The following HEATR5B variants were observed in gnomAD, a reference collection of about 807,000 sequenced individuals.
HEATR5B encodes the protein HEAT repeat-containing protein 5B.
HEATR5B carries 156 observed loss-of-function variants against 224.1 expected under a neutral mutation model. That is an observed-to-expected ratio of 0.70 (90% confidence interval 0.61 to 0.80). The LOEUF is 0.80. Among genes scored for constraint, HEATR5B ranks in the 30% least tolerant of loss-of-function variants. The pLI, the probability that HEATR5B is intolerant of heterozygous loss-of-function variation, is 0.00. For synonymous variants in HEATR5B, 1,027 were observed against 893.0 expected, an observed-to-expected ratio of 1.15 and a Z score of -2.68; for missense variants, 2,323 against 2,535.5, an observed-to-expected ratio of 0.92 and a Z score of 1.80.
chr2:37,041,070 G>C (rs115150255), intron 19 of HEATR5B, 63 bp downstream of exon 19: 3 of 1,328,450 alleles, frequency 2.3e-6, no homozygotes, highest in Admixed American at 3.8e-5. Flanking sequence ...TTATTTCATA[G>C]AGCAAATAAT....
chr2:37,061,315 T>C (rs191518077), intron 11 of HEATR5B, among the ~76,000 whole-genome samples: 3 of 152,282 alleles, frequency 2.0e-5, no homozygotes, highest in East Asian at 3.9e-4. Flanking sequence ...GTTGCAACTT[T>C]TTGTTTTCTT....
intron 9 of HEATR5B, 37 bp downstream of exon 9, chr2:37,065,718 G>C: frequency 6.4e-7 from 1 of 1,571,996 alleles, no homozygotes. Flanking sequence ...ACTGAAAAAA[G>C]TGGAAACACA....
chr2:37,015,947 G>A (rs943983528), intron 26 of HEATR5B, among the ~76,000 whole-genome samples: 5 of 151,842 alleles, frequency 3.3e-5, no homozygotes, highest in African/African-American at 9.7e-5. Context: ...ACAATTAAGG[G>A]ACAAGTAGAA....
intron 20 of HEATR5B, among the ~76,000 whole-genome samples, chr2:37,039,173 A>G (rs1009350858): frequency 2.1e-4 from 31 of 145,200 alleles, no homozygotes; most frequent in Middle Eastern, 3.6e-3. Flanking sequence ...TAAAAAGAGA[A>G]AAAAAAAAAA....
chr2:37,026,954 A>G (rs1479538677), intron 24 of HEATR5B, among the ~76,000 whole-genome samples: 1 of 152,122 alleles, frequency 6.6e-6, no homozygotes, highest in Non-Finnish European at 1.5e-5. Context: ...ATGTGCCAGG[A>G]CGCCCACTAA....
At chr2:37,034,419 C>T (rs1669341410) in intron 21 of HEATR5B, among the ~76,000 whole-genome samples, 1 of 142,010 alleles carries the variant, frequency 7.0e-6, no homozygotes, top group Admixed American at 6.9e-5. Flanking sequence ...CGAGACCATC[C>T]CGGCTAAAAC....
At chr2:37,063,215 G>C (rs774353449) in intron 10 of HEATR5B, among the ~76,000 whole-genome samples, 2 of 152,060 alleles carry the variant, frequency 1.3e-5, no homozygotes, top group African/African-American at 2.4e-5. Flanking sequence ...CACTGTTCTC[G>C]GTACTTTGCT....
intron 32 of HEATR5B, 149 bp downstream of exon 32, chr2:37,002,157 G>A: frequency 1.2e-6 from 1 of 828,224 alleles, no homozygotes; most frequent in East Asian, 2.6e-5. Flanking sequence ...GCTCCTAAAG[G>A]TAGACAAAAC....
intron 24 of HEATR5B, among the ~76,000 whole-genome samples, chr2:37,025,959 C>T (rs1415858051): frequency 6.6e-6 from 1 of 152,200 alleles, no homozygotes; most frequent in African/African-American, 2.4e-5. Context: ...AAAATCTCCA[C>T]ACCTAATCCC....
Position 37,013,891 on chromosome 2 carries a change from C to G in HEATR5B, c.4234G>C (p.Glu1412Gln). ...GKGSSSQLYR[E>Q]SATTMEKLAV... is the part of the protein sequence containing the mutation. ...AGTTTTTCCATGGTCGTGGCACTCTCTCGGTACAGCTGGCTGGAAGATCCT... is the reference window on the plus strand; with the variant it reads ...AGTTTTTCCATGGTCGTGGCACTCTGTCGGTACAGCTGGCTGGAAGATCCT... Residue 1412 changes from glutamate (E) to glutamine (Q), a missense_variant, in exon 27 of 36, where the codon GAG becomes CAG. By Grantham distance (29) the Glu-to-Gln change is conservative. This residue lies in a region of HEATR5B where 844 missense variants were observed against 812.9 expected (regional missense o/e 1.04). Transcript: ENST00000233099. The G allele has an allele frequency of 6.2e-7, 1 of 1,612,050 alleles. No individual in the cohort carries two copies.
chr2:37,008,866 A>G lies in HEATR5B; in HGVS notation c.4285-18T>C, dbSNP rs778616293. 5.8e-6 allele frequency: 8 copies of G among 1,369,798 alleles called. No individual in the cohort carries two copies. The Admixed American group carries it at 1.5e-4, about 25-fold the overall frequency. 84.9% of individuals were successfully genotyped at this position (1,369,798 alleles called of 1,614,324 possible). A position where few individuals can be genotyped will look rare whatever the true frequency, so the allele number is the denominator to read the frequency against. ...ACATATACCTAATATGATATTTATG[A>G]GGACAAAATAGTAAGGCATAAGATA... On this transcript the variant is annotated intron_variant, in intron 27 of 35. Transcript: ENST00000233099.
chr2:37,058,937 T>C lies in HEATR5B; in HGVS notation c.1900A>G (p.Ile634Val). Residue 634 changes from isoleucine to valine, a missense_variant, in exon 13 of 36, where the codon ATT (isoleucine) becomes GTT (valine). By Grantham distance (29) the Ile-to-Val change is conservative. Coordinates refer to ENST00000233099, the MANE Select transcript of HEATR5B (RefSeq NM_019024.3). ...HCPELLTEDV[I>V]RKLMTPIECA... ...TCAATAGGGGTCATCAATTTTCGAA[T>C]CACATCTTCAGTTAGTAGCTCAGGA... 1 of 1,611,434 alleles carries C rather than the reference T, an allele frequency of 6.2e-7. No homozygotes were observed. Among genetic ancestry groups the C allele is most frequent in the East Asian group, 2.2e-5 (1 of 44,788 alleles).
intron 17 of HEATR5B, among the ~76,000 whole-genome samples, chr2:37,052,241 T>G (rs1164446546): frequency 2.0e-5 from 3 of 152,230 alleles, no homozygotes; most frequent in Non-Finnish European, 2.9e-5. Flanking sequence ...GCGCGAATCC[T>G]GTGAGATAGG....
At chr2:37,050,725 C>T (rs1321151328) in intron 17 of HEATR5B, among the ~76,000 whole-genome samples, 3 of 152,106 alleles carry the variant, frequency 2.0e-5, no homozygotes, top group Non-Finnish European at 4.4e-5. Flanking sequence ...ATGACTTAAA[C>T]AGTATAATCA....
chr2:37,068,713 C>A lies in HEATR5B; in HGVS notation c.1145G>T (p.Cys382Phe). The A allele has an allele frequency of 6.2e-7, 1 of 1,614,098 alleles. No homozygotes were observed. The highest frequency in any genetic ancestry group is 8.5e-7 in the Non-Finnish European group (1 of 1,180,006). Residue 382 changes from cysteine to phenylalanine, a missense_variant, in exon 8 of 36, where the codon TGC becomes TTC. Transcript: ENST00000233099. ...KAQIAAAKEI[C>F]QAIGKQMKAV... ...TTTCATTTGTTTTCCAATAGCTTGGCAGATTTCTTTGGCAGCTGCAATCTG... is the reference window on the plus strand; with the variant it reads ...TTTCATTTGTTTTCCAATAGCTTGGAAGATTTCTTTGGCAGCTGCAATCTG...
Position 37,038,918 on chromosome 2 carries a change from G to GC in HEATR5B, c.3047-895_3047-894insG, listed in dbSNP as rs1553313678. On this transcript the variant is annotated intron_variant, in intron 20 of 35. Coordinates refer to ENST00000233099, the MANE Select transcript of HEATR5B (RefSeq NM_019024.3). ...CTGTCTCCCTGGGGTGGGGGGGGTG[G>GC]GGAATCACATATTTTTCAATTTCTA... 1.5e-4 allele frequency among the ~76,000 whole-genome samples: 21 copies of GC among 144,734 alleles called. No individual in the cohort carries two copies. The South Asian group carries it at 2.1e-3, about 14-fold the overall frequency. The allele number at this position is 144,734 out of a possible 152,430, so 95.0% of individuals were successfully genotyped here.
chr2:37,011,243 C>A (rs1291904613), intron 27 of HEATR5B, among the ~76,000 whole-genome samples: 2 of 152,066 alleles, frequency 1.3e-5, no homozygotes, highest in Non-Finnish European at 2.9e-5. Context: ...TGCTCATAGG[C>A]AGAGATGGAA....
intron 8 of HEATR5B, among the ~76,000 whole-genome samples, chr2:37,066,471 G>A (rs964204117): frequency 3.9e-5 from 6 of 152,152 alleles, no homozygotes; most frequent in African/African-American, 1.4e-4. Flanking sequence ...GGAGGTATCT[G>A]TTAAATTACT....
chr2:37,079,539 T>G (rs1051223824), intron 2 of HEATR5B, among the ~76,000 whole-genome samples: 51 of 152,294 alleles, frequency 3.3e-4, no homozygotes, highest in African/African-American at 1.1e-3. Context: ...TCCTTCATGC[T>G]CCTCCAAAGC....
Sources: gnomAD v4.1 joint callset for allele counts (sites outside exome capture counted in the v4.1 genomes callset) on GRCh38, gnomAD v4.1.1 for gene constraint, gnomAD v4.1.1 regional missense constraint, MANE v1.5 for transcripts, NCBI Gene and HGNC (gene_info 2026-07-23, HGNC 2026-07-21) for gene names.